The following MADD variants were observed in gnomAD, a reference collection of about 807,000 sequenced individuals.
MADD encodes the protein MAP kinase activating death domain, also known as MAP kinase-activating death domain protein.
MADD carries 109 observed loss-of-function variants against 176.7 expected under a neutral mutation model. The observed-to-expected ratio is 0.62, with a 90% CI of 0.53 to 0.72. MADD has a LOEUF of 0.72. MADD is among the 30% of genes least tolerant of loss of function. MADD has a pLI of 0.00. For missense variants in MADD, 1,914 were observed against 2,045.5 expected, an observed-to-expected ratio of 0.94 and a Z score of 1.24; for synonymous variants, 771 against 771.3, an observed-to-expected ratio of 1.00 and a Z score of 0.01.
In MADD at chr11:47,275,068, C is replaced by T. The variant is rs768316614; in HGVS notation, c.568C>T (p.Arg190Ter). 6.2e-6 allele frequency: 10 copies of T among 1,614,262 alleles called. No homozygotes were observed. The highest frequency in any genetic ancestry group is 1.1e-5 in the South Asian group (1 of 91,092). The change falls in exon 3 of 33, where the codon CGA (arginine) becomes TGA (stop). Residue 190 changes from arginine to a stop codon, truncating the protein, a stop_gained. Coordinates refer to ENST00000402192, the Ensembl canonical transcript of MADD. LOFTEE classifies it high-confidence loss of function. ...CCACTACCCTTTCTTCTCCACCTTC[C>T]GAGAGTGTTTGTATACTCTCAAGCG...
At chr11:47,277,375 C>G (rs977729493) in intron 5 of MADD, among the ~76,000 whole-genome samples, 1 of 152,340 alleles carries the variant, frequency 6.6e-6, no homozygotes, top group East Asian at 1.9e-4. Flanking sequence ...CCACTGGAGC[C>G]TCTGCCTTCC....
At position 47,282,498 on chromosome 11, in the gene MADD, A is replaced by T. The variant is rs1271419522; in HGVS notation, c.1587A>T (p.Leu529=). Residue 529 remains leucine, a synonymous_variant, in exon 9 of 33, where the codon CTA becomes CTT. Transcript: ENST00000402192. ...TAGCTTTTCAAGCTGGCTCCTTTCT[A>T]GCCTCACGTCCCCGGCAGACTCCTT... is the stretch of plus-strand genomic sequence containing the variant. 5.6e-6 allele frequency: 9 copies of T among 1,614,042 alleles called. 1 individual carries two copies. The South Asian group carries it at 9.9e-5, about 18-fold the overall frequency.
chr11:47,311,680 C>G (rs989804195), intron 25 of MADD, 52 bp from the exon 29 acceptor site: 6 of 1,114,068 alleles, frequency 5.4e-6, no homozygotes, highest in South Asian at 1.2e-5. Context: ...TTCTCTACCT[C>G]AGTCGGGAGG....
At chr11:47,285,025 A>G in exon 13 of MADD, 1 of 1,614,156 alleles carries the variant, frequency 6.2e-7, no homozygotes. Context: ...CAGCATTGGC[A>G]AATCGAACGT....
In MADD at chr11:47,285,191, A is replaced by G. The variant is rs752065721; in HGVS notation, c.2408A>G (p.Asn803Ser). Residue 803 changes from asparagine (N) to serine (S), a missense_variant, in exon 13 of 33, where the codon AAT becomes AGT. Asn to Ser is a conservative substitution (Grantham distance 46, BLOSUM62 1). This residue lies in a region of MADD where 1,767 missense variants were observed against 1,836.0 expected (regional missense o/e 0.96). Coordinates refer to ENST00000402192, the Ensembl canonical transcript of MADD. ...CGATTCAGCCAACATGTCAGTGGCAATCGGTGAGAGCCTGGGCATCCCTTC... is the reference window on the plus strand; with the variant it reads ...CGATTCAGCCAACATGTCAGTGGCAGTCGGTGAGAGCCTGGGCATCCCTTC... The G allele has an allele frequency of 3.9e-5, 63 of 1,613,468 alleles. 1 individual carries two copies. The South Asian group carries it at 4.0e-4, about 10-fold the overall frequency.
chr11:47,324,985 T>C, intron 30 of MADD: 1 of 569,402 alleles, frequency 1.8e-6, no homozygotes, highest in Non-Finnish European at 3.1e-6. Flanking sequence ...GTCTTTCTGG[T>C]GTGCGTGCAG....
chr11:47,328,195 G>GT, intron 31 of MADD: 1 of 1,067,586 alleles, frequency 9.4e-7, no homozygotes, highest in East Asian at 7.5e-5. Context: ...CGGGAACTGT[G>GT]TTTAACATGA....
chr11:47,301,329 G>C (rs550177126), intron 22 of MADD, among the ~76,000 whole-genome samples: 21 of 152,122 alleles, frequency 1.4e-4, no homozygotes, highest in Admixed American at 1.4e-3. Flanking sequence ...TGTTGGCCAG[G>C]CTGGTCTCAA....
At chr11:47,280,489 T>G (rs569173382) in intron 7 of MADD, among the ~76,000 whole-genome samples, 1 of 152,256 alleles carries the variant, frequency 6.6e-6, no homozygotes, top group East Asian at 1.9e-4. Flanking sequence ...GTTTTCAGTC[T>G]TGATGATTGC....
intron 27 of MADD, among the ~76,000 whole-genome samples, chr11:47,315,547 T>C (rs1379551185): frequency 6.6e-6 from 1 of 152,114 alleles, no homozygotes; most frequent in African/African-American, 2.4e-5. Context: ...TGATCTCGGC[T>C]CACTGCAACC....
At chr11:47,314,231 CAA>C (rs751848858) in intron 26 of MADD, among the ~76,000 whole-genome samples, 47 of 119,852 alleles carry the variant, frequency 3.9e-4, no homozygotes, top group Admixed American at 4.3e-4. Flanking sequence ...GACCCTGTCT[CAA>C]AAAAAAAAAA....
At chr11:47,285,504 C>T (rs1210521104) in exon 14 of MADD, 2 of 1,614,070 alleles carry the variant, frequency 1.2e-6, no homozygotes, top group African/African-American at 1.3e-5. Flanking sequence ...GACTCAGATG[C>T]AGAGTCAGAC....
chr11:47,328,148 C>T (rs11039185), intron 31 of MADD: 33,451 of 1,014,882 alleles, frequency 0.033, 631 homozygotes, highest in South Asian at 0.089. Context: ...CCTCTTCATC[C>T]AGCCTCAAGA....
chr11:47,286,646 C>A, intron 15 of MADD, 112 bp downstream of exon 15: 1 of 733,766 alleles, frequency 1.4e-6, no homozygotes, highest in South Asian at 1.7e-5. Context: ...GTTGTCGTCC[C>A]TCATGTTGCT....
intron 10 of MADD, among the ~76,000 whole-genome samples, chr11:47,283,825 G>A (rs1047839285): frequency 2.6e-5 from 4 of 152,004 alleles, no homozygotes; most frequent in African/African-American, 9.7e-5. Flanking sequence ...CGCCTGCCTC[G>A]GCCTCCCAAA....
In MADD at chr11:47,309,058, T is replaced by A; in HGVS notation, c.3752-223T>A. ...TTTTCTATAAGTAACCACATTTATTTGTGTGCTGTGTTCATCCCTCCTCCT... is the reference window on the plus strand; with the variant it reads ...TTTTCTATAAGTAACCACATTTATTAGTGTGCTGTGTTCATCCCTCCTCCT... On this transcript the variant is annotated intron_variant, in intron 23 of 32. Transcript: ENST00000402192. 1 of 1,613,850 alleles carries A rather than the reference T, an allele frequency of 6.2e-7. No homozygotes were observed. The highest frequency in any genetic ancestry group is 8.5e-7 in the Non-Finnish European group (1 of 1,179,794).
chr11:47,290,974 T>C (rs1358494876), intron 19 of MADD, among the ~76,000 whole-genome samples, 158 bp downstream of exon 20: 1 of 152,114 alleles, frequency 6.6e-6, no homozygotes, highest in Non-Finnish European at 1.5e-5. Context: ...TTCTTTGTAC[T>C]TCTCTAGTCT....
exon 3 of MADD, chr11:47,275,028 C>A: frequency 6.2e-7 from 1 of 1,614,260 alleles, no homozygotes; most frequent in Non-Finnish European, 8.5e-7. Flanking sequence ...CTCTCACGTC[C>A]CTGTGCGTGC....
chr11:47,281,865 T>G, intron 8 of MADD, 112 bp downstream of exon 8: 1 of 740,062 alleles, frequency 1.4e-6, no homozygotes, highest in Non-Finnish European at 1.9e-6. Context: ...TTTTTTGAGA[T>G]AGATTCTCAC....
Sources: gnomAD v4.1 joint callset for allele counts (sites outside exome capture counted in the v4.1 genomes callset) on GRCh38, gnomAD v4.1.1 for gene constraint, gnomAD v4.1.1 regional missense constraint, MANE v1.5 for transcripts, NCBI Gene and HGNC (gene_info 2026-07-23, HGNC 2026-07-21) for gene names.